DENND2B: variants seen among roughly 807,000 people sequenced by gnomAD.
DENND2B encodes DENN domain-containing protein 2B.
In DENND2B, 32 loss-of-function variants were observed where a neutral mutation model predicts 116.0. That is an observed-to-expected ratio of 0.28 (90% CI 0.21 to 0.37). The LOEUF (loss-of-function observed/expected upper bound fraction) is 0.37. DENND2B is among the 10% of genes least tolerant of loss of function. The pLI is 1.00. For missense variants in DENND2B, 1,276 were observed against 1,477.7 expected (o/e 0.86, Z 2.24); for synonymous variants, 588 against 583.9 (o/e 1.01, Z -0.10).
chr11:8,870,972 G>A (rs1034918038), exon 2 of DENND2B: 3 of 151,916 alleles, frequency 2.0e-5, no homozygotes, highest in Non-Finnish European at 4.4e-5. Context: ...TCCCCAGCCG[G>A]GCCGGGCGCG....
At chr11:8,759,302 C>G (rs898993193) in intron 1 of DENND2B, among the ~76,000 whole-genome samples, 2 of 152,186 alleles carry the variant, frequency 1.3e-5, no homozygotes, top group Non-Finnish European at 2.9e-5. Flanking sequence ...TGACAGTATG[C>G]CTTGCTCTTG....
At chr11:8,850,867 T>A (rs1192925926) in intron 3 of DENND2B, among the ~76,000 whole-genome samples, 3 of 152,188 alleles carry the variant, frequency 2.0e-5, no homozygotes, top group Admixed American at 1.3e-4. Context: ...GGAAATCTTG[T>A]CACTTCCTAC....
At chr11:8,820,439 G>C (rs898715573) in intron 4 of DENND2B, among the ~76,000 whole-genome samples, 9 of 152,112 alleles carry the variant, frequency 5.9e-5, no homozygotes, top group African/African-American at 2.2e-4. Context: ...AAATTCCTAA[G>C]TATGCAGAAT....
At chr11:8,718,986 C>G (rs2133852952) in intron 4 of DENND2B, 1 of 987,052 alleles carries the variant, frequency 1.0e-6, no homozygotes, top group Non-Finnish European at 1.2e-6. Flanking sequence ...ACCCCTTTCC[C>G]TATTTTCCTG....
intron 1 of DENND2B, among the ~76,000 whole-genome samples, chr11:8,798,755 G>A (rs1048572358): frequency 6.6e-6 from 1 of 151,954 alleles, no homozygotes; most frequent in African/African-American, 2.4e-5. Context: ...AACTGGAGGG[G>A]GTAGGAAAGA....
chr11:8,865,868 CA>C (rs145775388), intron 2 of DENND2B, among the ~76,000 whole-genome samples: 2,658 of 150,588 alleles, frequency 0.018, 84 homozygotes, highest in African/African-American at 0.061. Flanking sequence ...AGGGATATTC[CA>C]GTCCTGGGGA....
At chr11:8,721,567 C>T (rs1235917030) in intron 4 of DENND2B, among the ~76,000 whole-genome samples, 4 of 152,170 alleles carry the variant, frequency 2.6e-5, no homozygotes, top group African/African-American at 9.7e-5. Context: ...CTCTCTCACA[C>T]AGGACAGAAA....
intron 4 of DENND2B, among the ~76,000 whole-genome samples, chr11:8,824,690 ATTTT>A (rs777570022): frequency 1.4e-5 from 2 of 143,442 alleles, no homozygotes; most frequent in Non-Finnish European, 3.1e-5. Context: ...ATCAAACAAA[ATTTT>A]TTTTTTTTTT....
chr11:8,754,017 C>T (rs1410480268), intron 1 of DENND2B, among the ~76,000 whole-genome samples: 1 of 79,342 alleles, frequency 1.3e-5, no homozygotes, highest in Non-Finnish European at 2.6e-5. Flanking sequence ...TTAGATATAA[C>T]ACCAAAAGCG....
chr11:8,736,395 AACAG>A (rs760459026), intron 2 of DENND2B, among the ~76,000 whole-genome samples: 6 of 152,156 alleles, frequency 3.9e-5, no homozygotes, highest in Non-Finnish European at 8.8e-5. Context: ...AGAGACTAAA[AACAG>A]ACAAAGTCTC....
chr11:8,892,932 G>A (rs776654833), intron 1 of DENND2B, among the ~76,000 whole-genome samples: 2 of 152,168 alleles, frequency 1.3e-5, no homozygotes, highest in Non-Finnish European at 2.9e-5. Context: ...AAGCCTGGCA[G>A]AGACACAACA....
intron 1 of DENND2B, among the ~76,000 whole-genome samples, chr11:8,805,927 GAACA>G (rs1480499385): frequency 6.6e-6 from 1 of 152,148 alleles, no homozygotes; most frequent in Non-Finnish European, 1.5e-5. Context: ...TCTGAGCCAA[GAACA>G]AACAAACAGA....
At chr11:8,725,290 G>GCT (rs1487150451) in intron 4 of DENND2B, among the ~76,000 whole-genome samples, 1 of 151,994 alleles carries the variant, frequency 6.6e-6, no homozygotes, top group Non-Finnish European at 1.5e-5. Context: ...AACACAGAAA[G>GCT]AAGATGGCCA....
chr11:8,907,751 A>G (rs956020446), intron 1 of DENND2B, among the ~76,000 whole-genome samples: 10 of 152,126 alleles, frequency 6.6e-5, no homozygotes, highest in Non-Finnish European at 1.3e-4. Flanking sequence ...GCTGGAGGGC[A>G]GTGGCACGAT....
chr11:8,718,950 G>A, intron 4 of DENND2B: 23 of 988,212 alleles, frequency 2.3e-5, no homozygotes, highest in Non-Finnish European at 2.6e-5. Flanking sequence ...AGGTCCCTGG[G>A]GAACTCAGAA....
intron 1 of DENND2B, among the ~76,000 whole-genome samples, chr11:8,903,836 C>A (rs1276419748): frequency 7.2e-6 from 1 of 138,072 alleles, no homozygotes; most frequent in African/African-American, 2.8e-5. Context: ...CTGTAGTGAG[C>A]TGTGATTATG....
intron 4 of DENND2B, among the ~76,000 whole-genome samples, chr11:8,829,655 G>A (rs1021457601): frequency 2.0e-5 from 3 of 152,026 alleles, no homozygotes; most frequent in African/African-American, 4.8e-5. Context: ...CCAGCCAGAC[G>A]GACTTCCTGC....
chr11:8,707,940 A>G lies in DENND2B; in HGVS notation c.2353-86T>C. 6.5e-7 allele frequency: 1 copy of G among 1,545,924 alleles called. No individual in the cohort carries two copies. Among genetic ancestry groups the G allele is most frequent in the Non-Finnish European group, 8.7e-7 (1 of 1,148,086 alleles). On this transcript the variant is annotated intron_variant, in intron 11 of 19. Transcript: ENST00000313726. This position sits in a 1 kb window ranked among gnomAD's most constrained non-coding sequence, Gnocchi z 4.8. ...TCTGGCTCCTTTTCCTTGGGAACGG[A>G]GGAGTAAGGACTGCCCTTCTAGTGG...
intron 1 of DENND2B, among the ~76,000 whole-genome samples, chr11:8,752,666 G>C (rs77259679): frequency 0.036 from 5,492 of 152,144 alleles, 161 homozygotes; most frequent in African/African-American, 0.077. Flanking sequence ...ATATTTAAAA[G>C]TAAAAAATGT....
Sources: gnomAD v4.1 joint callset for allele counts (sites outside exome capture counted in the v4.1 genomes callset) on GRCh38, gnomAD v4.1.1 for gene constraint, Gnocchi (gnomAD v3.1) non-coding constraint, MANE v1.5 for transcripts, NCBI Gene and HGNC (gene_info 2026-07-23, HGNC 2026-07-21) for gene names.